The following ZNF644 variants were observed in gnomAD, a reference collection of about 807,000 sequenced individuals.
The protein encoded by ZNF644 is zinc finger protein 644, also known as zinc finger motif enhancer binding protein 2.
In ZNF644, 20 loss-of-function variants were observed where a neutral mutation model predicts 108.0. The ratio of observed to expected loss-of-function variants is 0.19; its 90% CI spans 0.13 to 0.27. ZNF644 has a LOEUF of 0.27. Among genes scored for constraint, ZNF644 ranks in the 10% least tolerant of loss-of-function variants. The pLI, the probability that ZNF644 is intolerant of heterozygous loss-of-function variation, is 1.00. For synonymous variants in ZNF644, 542 were observed against 539.1 expected (o/e 1.01, Z -0.08); for missense variants, 1,338 against 1,548.9 (o/e 0.86, Z 2.29).
chr1:90,925,023 T>C (rs1223926836), intron 4 of ZNF644, among the ~76,000 whole-genome samples: 1 of 152,200 alleles, frequency 6.6e-6, no homozygotes, highest in African/African-American at 2.4e-5. Context: ...GCCAACCACA[T>C]GCCTTGTTAT....
intron 1 of ZNF644, among the ~76,000 whole-genome samples, chr1:91,003,004 T>A (rs1197373563): frequency 6.6e-6 from 1 of 152,134 alleles, no homozygotes; most frequent in Admixed American, 6.5e-5. Flanking sequence ...CCAGTTAGAA[T>A]GGCAATCATT....
Position 90,938,288 on chromosome 1 carries a change from A to G in ZNF644, c.3066T>C (p.Val1022=). The change falls in exon 3 of 6, where the codon GTT becomes GTC. Residue 1022 remains valine, a synonymous_variant. Coordinates refer to ENST00000337393, the MANE Select transcript of ZNF644 (RefSeq NM_201269.3). This position sits in a 1 kb window ranked among gnomAD's most constrained non-coding sequence, Gnocchi z 4.2. ...AGAACTTACCTTTTCTAACTCGTTT[A>G]ACAGGTGTTCCTGTGCCAGTTCTTT... ...HFKRTGTGTP[V]KRVRKAIEKS... is the part of the protein sequence containing the mutation. 6.2e-7 allele frequency: 1 copy of G among 1,614,024 alleles called. No homozygotes were observed. The highest frequency in any genetic ancestry group is 8.5e-7 in the Non-Finnish European group (1 of 1,179,898).
chr1:90,933,618 C>T (rs930904857), intron 4 of ZNF644, among the ~76,000 whole-genome samples: 2 of 151,966 alleles, frequency 1.3e-5, no homozygotes, highest in Admixed American at 6.5e-5. Context: ...GAGCCGAGAT[C>T]GCGCCACTGC....
At position 90,916,444 on chromosome 1, in the gene ZNF644, C is replaced by T. The variant is rs1648770502; in HGVS notation, c.*354G>A. On this transcript the variant is annotated 3_prime_UTR_variant, in exon 6 of 6. Transcript: ENST00000337393. ...CTATGCAAGTCTTGTGGGGAATAAA[C>T]AGAGCCTTGATTCTGGTAACACTGC... 1 of 224,054 alleles carries T rather than the reference C, an allele frequency of 4.5e-6. No homozygotes were observed. Among genetic ancestry groups the T allele is most frequent in the African/African-American group, 2.3e-5 (1 of 42,850 alleles). 13.9% of individuals were successfully genotyped at this position (224,054 alleles called of 1,614,324 possible). A position where few individuals can be genotyped will look rare whatever the true frequency, so the allele number is the denominator to read the frequency against.
intron 2 of ZNF644, among the ~76,000 whole-genome samples, chr1:90,954,780 T>C (rs753482458): frequency 3.3e-5 from 5 of 152,206 alleles, no homozygotes; most frequent in Non-Finnish European, 7.3e-5. Context: ...CACTGTAGTC[T>C]TGCATCCCTC....
Position 90,940,354 on chromosome 1 carries a change from C to G in ZNF644, c.1000G>C (p.Ala334Pro). Residue 334 changes from alanine to proline, a missense_variant, in exon 3 of 6, where the codon GCA (alanine) becomes CCA (proline). Physicochemically the swap from Ala to Pro is conservative, Grantham distance 27. Transcript: ENST00000337393. ...DFLEQNEELQ[A>P]VDSQKYALSK... ...AATGCATATTTCTGTGAGTCTACTG[C>G]TTGTAGCTCTTCATTTTGTTCTAGA... 1 of 1,613,724 alleles carries G rather than the reference C, an allele frequency of 6.2e-7. No individual in the cohort carries two copies. Among genetic ancestry groups the G allele is most frequent in the Non-Finnish European group, 8.5e-7 (1 of 1,179,964 alleles).
At chr1:90,928,398 A>G (rs767192203) in intron 4 of ZNF644, among the ~76,000 whole-genome samples, 11 of 148,020 alleles carry the variant, frequency 7.4e-5, no homozygotes, top group Non-Finnish European at 1.2e-4. Flanking sequence ...GCTCACTGCA[A>G]CCTCCAGCTT....
intron 1 of ZNF644, among the ~76,000 whole-genome samples, chr1:90,987,251 T>C (rs1279948889): frequency 1.4e-5 from 2 of 144,458 alleles, no homozygotes; most frequent in South Asian, 2.1e-4. Context: ...AGTTGGTTTT[T>C]TTTTTTTTTT....
intron 1 of ZNF644, among the ~76,000 whole-genome samples, chr1:90,999,693 A>C (rs1039799399): frequency 5.9e-5 from 9 of 152,192 alleles, no homozygotes; most frequent in Admixed American, 1.3e-4. Flanking sequence ...AACAATATTA[A>C]CCTTAAATGT....
chr1:91,014,750 G>A (rs1023802487), intron 1 of ZNF644, among the ~76,000 whole-genome samples: 1 of 120,184 alleles, frequency 8.3e-6, no homozygotes, highest in South Asian at 2.9e-4. Context: ...TTGAAATAAG[G>A]GGGGGGAGAA....
intron 1 of ZNF644, among the ~76,000 whole-genome samples, chr1:91,001,584 G>C (rs1658831745): frequency 6.6e-6 from 1 of 152,114 alleles, no homozygotes; most frequent in Non-Finnish European, 1.5e-5. Context: ...ATATCATACT[G>C]AATGGACAAA....
chr1:91,009,935 T>G (rs573075347), intron 1 of ZNF644, among the ~76,000 whole-genome samples: 1 of 152,312 alleles, frequency 6.6e-6, no homozygotes, highest in Admixed American at 6.5e-5. Flanking sequence ...TTGATTTGAC[T>G]TATTTAAAAC....
intron 4 of ZNF644, among the ~76,000 whole-genome samples, chr1:90,930,146 CG>C (rs1650565829): frequency 6.6e-6 from 1 of 152,024 alleles, no homozygotes; most frequent in South Asian, 2.1e-4. Context: ...ATTAGCCGGG[CG>C]TGATGGCGTG....
At chr1:91,010,724 T>C (rs1659884899) in intron 1 of ZNF644, among the ~76,000 whole-genome samples, 1 of 152,174 alleles carries the variant, frequency 6.6e-6, no homozygotes. Flanking sequence ...ATATCTTAGA[T>C]CATGAGCTCT....
chr1:90,931,655 T>C (rs1384749512), intron 4 of ZNF644, among the ~76,000 whole-genome samples: 1 of 152,186 alleles, frequency 6.6e-6, no homozygotes, highest in Non-Finnish European at 1.5e-5. Context: ...TATTCTTTTA[T>C]GACAATTTAA....
At chr1:91,008,550 T>C (rs973682123) in intron 1 of ZNF644, among the ~76,000 whole-genome samples, 2 of 152,154 alleles carry the variant, frequency 1.3e-5, no homozygotes, top group East Asian at 1.9e-4. Context: ...ATACCACTAG[T>C]TCATCAGGAT....
intron 2 of ZNF644, among the ~76,000 whole-genome samples, chr1:90,955,272 C>T (rs1653640474): frequency 6.6e-6 from 1 of 152,144 alleles, no homozygotes; most frequent in Admixed American, 6.5e-5. Context: ...TTCTTATGGG[C>T]CCTAAGATTT....
intron 2 of ZNF644, among the ~76,000 whole-genome samples, 170 bp downstream of exon 2, chr1:90,982,140 C>T (rs1178462872): frequency 6.6e-6 from 1 of 152,032 alleles, no homozygotes; most frequent in African/African-American, 2.4e-5. Context: ...TATAATTTTA[C>T]TCCCATCAAA....
rs573467777 is a variant in ZNF644, at chr1:90,922,734, C to G, written c.3689-4580G>C. Reference sequence around the variant, plus strand: ...GGTAGTTTTTTTTATTATCTCCCTCCTCCTACCCTCCACCCTTAAGGTAGG... The same window carrying G: ...GGTAGTTTTTTTTATTATCTCCCTCGTCCTACCCTCCACCCTTAAGGTAGG... On this transcript the variant is annotated intron_variant, in intron 4 of 5. Coordinates refer to ENST00000337393, the MANE Select transcript of ZNF644 (RefSeq NM_201269.3). Among the ~76,000 whole-genome samples, 5 of 152,120 alleles carry G rather than the reference C, an allele frequency of 3.3e-5. No homozygotes were observed. The East Asian group carries it at 9.7e-4, about 29-fold the overall frequency.
Sources: gnomAD v4.1 joint callset for allele counts (sites outside exome capture counted in the v4.1 genomes callset) on GRCh38, gnomAD v4.1.1 for gene constraint, Gnocchi (gnomAD v3.1) non-coding constraint, MANE v1.5 for transcripts, NCBI Gene and HGNC (gene_info 2026-07-23, HGNC 2026-07-21) for gene names.